GRIP1: variants seen among roughly 807,000 people sequenced by gnomAD.
The protein encoded by GRIP1 is glutamate receptor-interacting protein 1.
Under a neutral mutation model 129.9 loss-of-function variants are expected in GRIP1, and 45 were observed. That is an observed-to-expected ratio of 0.35 (90% CI 0.27 to 0.44). GRIP1 has a LOEUF of 0.44. GRIP1 is among the 20% of genes least tolerant of loss of function. The pLI, the probability that GRIP1 is intolerant of heterozygous loss-of-function variation, is 1.00. For missense variants in GRIP1, 1,196 were observed against 1,396.8 expected (o/e 0.86, Z 2.29); for synonymous variants, 530 against 520.8 (o/e 1.02, Z -0.24).
chr12:66,664,800 ATG>A (rs1438822390), intron 1 of GRIP1, among the ~76,000 whole-genome samples: 3 of 152,264 alleles, frequency 2.0e-5, no homozygotes, highest in African/African-American at 7.2e-5. Context: ...GTTATTAGTA[ATG>A]TTAATATTAC....
chr12:66,402,590 TTCCTG>T (rs1296968186), intron 16 of GRIP1, among the ~76,000 whole-genome samples: 1 of 152,186 alleles, frequency 6.6e-6, no homozygotes, highest in African/African-American at 2.4e-5. Flanking sequence ...AGTTATAAAC[TTCCTG>T]TGACCAGAGA....
At chr12:66,941,174 C>T (rs1425153907) in intron 1 of GRIP1, among the ~76,000 whole-genome samples, 2 of 150,898 alleles carry the variant, frequency 1.3e-5, no homozygotes, top group African/African-American at 4.9e-5. Flanking sequence ...AAAAAAAAAA[C>T]TCCATTCAGG....
intron 1 of GRIP1, among the ~76,000 whole-genome samples, chr12:66,983,274 A>C (rs1285400031): frequency 1.3e-5 from 2 of 152,220 alleles, no homozygotes; most frequent in African/African-American, 4.8e-5. Flanking sequence ...TGGCTGGAGC[A>C]GTTTTCTCTA....
At chr12:66,844,149 C>G (rs1001448122) in intron 1 of GRIP1, among the ~76,000 whole-genome samples, 8 of 152,018 alleles carry the variant, frequency 5.3e-5, no homozygotes, top group African/African-American at 1.9e-4. Context: ...CTTGAATAGA[C>G]ATTCTTCCAA....
chr12:66,597,438 A>G (rs1443135814), intron 1 of GRIP1, among the ~76,000 whole-genome samples: 2 of 152,166 alleles, frequency 1.3e-5, no homozygotes. Context: ...CAGAGTTAGT[A>G]GGTTCCTCCT....
At chr12:66,703,875 T>A (rs1299044314) in intron 1 of GRIP1, among the ~76,000 whole-genome samples, 3 of 151,974 alleles carry the variant, frequency 2.0e-5, no homozygotes, top group Non-Finnish European at 4.4e-5. Flanking sequence ...AATGAGGAGT[T>A]AGTATTGATG....
intron 1 of GRIP1, among the ~76,000 whole-genome samples, chr12:66,648,689 A>G (rs2032558535): frequency 6.6e-6 from 1 of 152,244 alleles, no homozygotes; most frequent in South Asian, 2.1e-4. Flanking sequence ...AGTTGATGAC[A>G]GAGTCGGTGA....
At chr12:66,873,302 G>A (rs2040327935) in intron 1 of GRIP1, among the ~76,000 whole-genome samples, 1 of 152,054 alleles carries the variant, frequency 6.6e-6, no homozygotes, top group Non-Finnish European at 1.5e-5. Flanking sequence ...TCCTGATGGG[G>A]AAGTGGCAAA....
At chr12:66,881,192 GA>G (rs5798841) in intron 1 of GRIP1, among the ~76,000 whole-genome samples, 137,442 of 152,008 alleles carry the variant, frequency 0.9, 63,807 homozygotes, top group East Asian at 1. Context: ...GAAAAAGAGA[GA>G]AAAAAAGAGA....
chr12:66,503,136 A>C (rs1293940115), intron 7 of GRIP1, among the ~76,000 whole-genome samples: 2 of 152,150 alleles, frequency 1.3e-5, no homozygotes, highest in African/African-American at 2.4e-5. Context: ...AACTGAATGC[A>C]GACACCAGGG....
chr12:66,392,583 G>T, intron 18 of GRIP1, 81 bp from the exon 19 acceptor site: 1 of 1,574,706 alleles, frequency 6.4e-7, no homozygotes, highest in East Asian at 2.2e-5. Flanking sequence ...CTAGAGATTT[G>T]TTTCCCTAGA....
intron 23 of GRIP1, among the ~76,000 whole-genome samples, chr12:66,369,100 A>G (rs533371988): frequency 1.3e-5 from 2 of 152,322 alleles, no homozygotes; most frequent in African/African-American, 4.8e-5. Context: ...GTTGGGGATC[A>G]ATTCAGAAAA....
intron 1 of GRIP1, among the ~76,000 whole-genome samples, chr12:67,056,100 AG>A (rs2135868703): frequency 6.6e-6 from 1 of 152,314 alleles, no homozygotes; most frequent in East Asian, 1.9e-4. Flanking sequence ...AGGGGGGATA[AG>A]GGATCCAAAA....
intron 13 of GRIP1, among the ~76,000 whole-genome samples, chr12:66,444,188 T>C (rs977026996): frequency 7.9e-5 from 12 of 152,150 alleles, no homozygotes; most frequent in African/African-American, 2.9e-4. Flanking sequence ...GTTCAGCATA[T>C]AAAATAGTTT....
At chr12:67,062,614 T>C (rs1438598949) in intron 1 of GRIP1, among the ~76,000 whole-genome samples, 1 of 152,158 alleles carries the variant, frequency 6.6e-6, no homozygotes, top group African/African-American at 2.4e-5. Context: ...AGAGAAGCTG[T>C]CCTAGAGTTA....
At chr12:66,772,865 A>T (rs1414268298) in intron 1 of GRIP1, among the ~76,000 whole-genome samples, 1 of 152,156 alleles carries the variant, frequency 6.6e-6, no homozygotes, top group East Asian at 1.9e-4. Flanking sequence ...GGAGACCCAA[A>T]TTAGGCCTGA....
intron 1 of GRIP1, among the ~76,000 whole-genome samples, chr12:66,951,589 A>T (rs2041759106): frequency 6.6e-6 from 1 of 152,214 alleles, no homozygotes; most frequent in Non-Finnish European, 1.5e-5. Context: ...TTACTGTTTT[A>T]AAAAGATTGC....
chr12:66,986,248 A>G (rs1057289120), intron 1 of GRIP1, among the ~76,000 whole-genome samples: 3 of 152,144 alleles, frequency 2.0e-5, no homozygotes, highest in Admixed American at 6.6e-5. Context: ...AACTAGTTCA[A>G]CCATTATGGA....
intron 1 of GRIP1, among the ~76,000 whole-genome samples, chr12:66,987,523 G>C (rs1462834686): frequency 6.6e-6 from 1 of 152,148 alleles, no homozygotes; most frequent in East Asian, 1.9e-4. Context: ...GTGCAGAGTA[G>C]TGTCTCCCCT....
Sources: allele counts gnomAD v4.1 joint callset (sites outside exome capture counted in the v4.1 genomes callset), GRCh38; gene constraint gnomAD v4.1.1; transcripts MANE v1.5; gene names NCBI Gene and HGNC (gene_info 2026-07-23, HGNC 2026-07-21).